The following XRCC4 variants were observed in gnomAD, a reference collection of about 807,000 sequenced individuals.
XRCC4 encodes X-ray repair cross complementing 4.
A neutral mutation model predicts 39.1 loss-of-function variants in XRCC4; 28 were observed. The ratio of observed to expected loss-of-function variants is 0.72; its 90% CI spans 0.53 to 0.98. The LOEUF (loss-of-function observed/expected upper bound fraction) is 0.98, where lower values mean the gene tolerates loss of function less well. Among genes scored for constraint, XRCC4 ranks in the 50% least tolerant of loss-of-function variants. The pLI, the probability that XRCC4 is intolerant of heterozygous loss-of-function variation, is 0.00. For synonymous variants in XRCC4, 123 were observed against 126.4 expected, an observed-to-expected ratio of 0.97 and a Z score of 0.18; for missense variants, 350 against 376.4, an observed-to-expected ratio of 0.93 and a Z score of 0.58.
chr5:83,257,516 T>C (rs1753586487), intron 6 of XRCC4, among the ~76,000 whole-genome samples: 1 of 152,076 alleles, frequency 6.6e-6, no homozygotes, highest in Non-Finnish European at 1.5e-5. Context: ...AGAATGGTGA[T>C]CATTAAAAAG....
intron 4 of XRCC4, among the ~76,000 whole-genome samples, chr5:83,196,715 T>G (rs968245481): frequency 3.3e-5 from 5 of 151,288 alleles, no homozygotes; most frequent in Non-Finnish European, 5.9e-5. Flanking sequence ...TCTGAAAAAT[T>G]ATGTGGAATA....
chr5:83,176,027 A>G (rs927522873), intron 3 of XRCC4, among the ~76,000 whole-genome samples: 1 of 151,904 alleles, frequency 6.6e-6, no homozygotes, highest in Non-Finnish European at 1.5e-5. Context: ...GACCCTGTCT[A>G]TATAAAATAA....
chr5:83,127,559 G>GT (rs70973380), intron 3 of XRCC4, among the ~76,000 whole-genome samples: 10,851 of 150,560 alleles, frequency 0.072, 565 homozygotes, highest in Non-Finnish European at 0.11. Context: ...TTTTGTTTTT[G>GT]TTTTTTTTTA....
At chr5:83,155,202 G>T (rs980911187) in intron 3 of XRCC4, among the ~76,000 whole-genome samples, 5 of 152,068 alleles carry the variant, frequency 3.3e-5, no homozygotes, top group African/African-American at 1.2e-4. Flanking sequence ...TTGTAGTCTT[G>T]CTTACTAGAA....
intron 7 of XRCC4, among the ~76,000 whole-genome samples, chr5:83,272,720 T>C (rs1754187161): frequency 6.6e-6 from 1 of 152,202 alleles, no homozygotes; most frequent in Non-Finnish European, 1.5e-5. Context: ...AATGATAGTG[T>C]CCAACTTCAT....
intron 7 of XRCC4, among the ~76,000 whole-genome samples, chr5:83,298,688 C>G (rs923192016): frequency 1.3e-5 from 2 of 151,668 alleles, no homozygotes; most frequent in Admixed American, 6.6e-5. Flanking sequence ...TTTATCTTTT[C>G]TATTTTGGAG....
chr5:83,344,900 C>T (rs1053368079), intron 7 of XRCC4, among the ~76,000 whole-genome samples: 12 of 152,158 alleles, frequency 7.9e-5, no homozygotes, highest in African/African-American at 2.9e-4. Flanking sequence ...TATTCCACAT[C>T]CTCCAAAATA....
At chr5:83,214,003 A>G (rs779014139) in intron 6 of XRCC4, among the ~76,000 whole-genome samples, 1 of 152,222 alleles carries the variant, frequency 6.6e-6, no homozygotes. Flanking sequence ...GACAAAATCC[A>G]ACACACATTA....
chr5:83,120,048 A>G (rs374150486), intron 3 of XRCC4, among the ~76,000 whole-genome samples: 21 of 146,070 alleles, frequency 1.4e-4, no homozygotes, highest in African/African-American at 5.8e-4. Context: ...CAAACAAAAT[A>G]AAAAACCAGA....
downstream of XRCC4, among the ~76,000 whole-genome samples, chr5:83,356,213 C>G (rs924929315): frequency 2.7e-4 from 41 of 151,982 alleles, no homozygotes; most frequent in African/African-American, 9.9e-4. Flanking sequence ...TGTATCTTTC[C>G]AAAGTGATTT....
At chr5:83,262,830 A>G (rs1753805262) in intron 7 of XRCC4, among the ~76,000 whole-genome samples, 1 of 142,656 alleles carries the variant, frequency 7.0e-6, no homozygotes, top group South Asian at 2.2e-4. Flanking sequence ...ACACAATCTT[A>G]TCACAGTCTT....
intron 6 of XRCC4, among the ~76,000 whole-genome samples, chr5:83,222,145 T>C (rs1055745160): frequency 1.2e-4 from 18 of 152,098 alleles, no homozygotes; most frequent in African/African-American, 4.1e-4. Flanking sequence ...TTGGAGTATT[T>C]ATTCCATTTA....
intron 3 of XRCC4, among the ~76,000 whole-genome samples, chr5:83,192,544 C>T (rs888015877): frequency 4.0e-5 from 6 of 151,888 alleles, no homozygotes; most frequent in Non-Finnish European, 4.4e-5. Context: ...CTCTTGAGCT[C>T]AGGCAATCTG....
chr5:83,243,050 CAT>C (rs1297196880), intron 6 of XRCC4, among the ~76,000 whole-genome samples: 1 of 152,120 alleles, frequency 6.6e-6, no homozygotes, highest in African/African-American at 2.4e-5. Flanking sequence ...TCTCTCTCGA[CAT>C]ATCATTTATG....
At chr5:83,266,446 A>G (rs544893015) in intron 7 of XRCC4, among the ~76,000 whole-genome samples, 9 of 151,856 alleles carry the variant, frequency 5.9e-5, no homozygotes, top group African/African-American at 2.2e-4. Flanking sequence ...TAATTATGCC[A>G]AAATAAGAAG....
chr5:83,220,182 T>C (rs759168965), intron 6 of XRCC4, among the ~76,000 whole-genome samples: 16 of 152,142 alleles, frequency 1.1e-4, no homozygotes, highest in Non-Finnish European at 1.5e-4. Flanking sequence ...AAAACTGACT[T>C]AAGAATGCGT....
At chr5:83,374,374 C>T in the XRCC4 span, among the ~76,000 whole-genome samples, 13 of 152,092 alleles carry the variant, frequency 8.5e-5, no homozygotes, top group Admixed American at 7.9e-4. Flanking sequence ...TCTTGTTTAC[C>T]GCCAGGTGAG....
chr5:83,147,730 G>T (rs1477320029), intron 3 of XRCC4, among the ~76,000 whole-genome samples: 1 of 151,640 alleles, frequency 6.6e-6, no homozygotes, highest in Non-Finnish European at 1.5e-5. Flanking sequence ...TCATAAGTAT[G>T]TGAAGTAATG....
At chr5:83,107,414 A>G (rs1158606721) in intron 2 of XRCC4, among the ~76,000 whole-genome samples, 1 of 151,928 alleles carries the variant, frequency 6.6e-6, no homozygotes, top group Non-Finnish European at 1.5e-5. Flanking sequence ...GATTACTGCA[A>G]CCTTCAATTT....
Sources: gnomAD v4.1 joint callset for allele counts (sites outside exome capture counted in the v4.1 genomes callset) on GRCh38, gnomAD v4.1.1 for gene constraint, MANE v1.5 for transcripts, NCBI Gene and HGNC (gene_info 2026-07-23, HGNC 2026-07-21) for gene names.